The following PTBP3 variants were observed in gnomAD, a reference collection of about 807,000 sequenced individuals.
PTBP3 encodes the protein polypyrimidine tract-binding protein 3.
Under a neutral mutation model 58.7 loss-of-function variants are expected in PTBP3, and 20 were observed. The observed-to-expected ratio is 0.34, with a 90% CI of 0.24 to 0.50. The LOEUF (loss-of-function observed/expected upper bound fraction) is 0.50, where lower values mean the gene tolerates loss of function less well. PTBP3 is among the 20% of genes least tolerant of loss of function. The pLI, the probability that PTBP3 is intolerant of heterozygous loss-of-function variation, is 0.98. For missense variants in PTBP3, 509 were observed against 637.2 expected (o/e 0.80, Z 2.17); for synonymous variants, 185 against 219.8 (o/e 0.84, Z 1.40).
Position 112,310,358 on chromosome 9 carries a change from C to G in PTBP3, c.-51-12442G>C, listed in dbSNP as rs548851518. Among the ~76,000 whole-genome samples the G allele has an allele frequency of 3.6e-4, 55 of 152,142 alleles. 2 individuals are homozygous for G. The highest frequency in any genetic ancestry group is 2.1e-4 in the Non-Finnish European group (14 of 68,040). On this transcript the variant is annotated intron_variant, in intron 1 of 13. Transcript: ENST00000374257. Reference sequence around the variant, plus strand: ...AGCATATTGAATATTTTCTTTAATGCCTGCAAGTAATTCCTCTAAAAAGCC... The same window carrying G: ...AGCATATTGAATATTTTCTTTAATGGCTGCAAGTAATTCCTCTAAAAAGCC...
chr9:112,298,524 A>C, intron 1 of PTBP3: 1 of 508,130 alleles, frequency 2.0e-6, no homozygotes, highest in South Asian at 1.4e-5. Flanking sequence ...TTTTCATTGT[A>C]ATGTAAGATC....
At chr9:112,289,508 C>T (rs561301151) in intron 2 of PTBP3, among the ~76,000 whole-genome samples, 9 of 152,262 alleles carry the variant, frequency 5.9e-5, no homozygotes, top group Admixed American at 5.2e-4. Context: ...GGGCCAGGCG[C>T]CGTGGCTCAC....
chr9:112,310,293 G>A (rs1198221105), intron 1 of PTBP3, among the ~76,000 whole-genome samples: 1 of 152,130 alleles, frequency 6.6e-6, no homozygotes. Flanking sequence ...ATTTTATATG[G>A]ACATCTTAAC....
the PTBP3 span, among the ~76,000 whole-genome samples, chr9:112,377,504 A>C: frequency 2.0e-5 from 3 of 152,196 alleles, no homozygotes; most frequent in Admixed American, 2.0e-4. Context: ...CCCATTGTCA[A>C]GCTTAGTTGT....
In PTBP3 at chr9:112,220,739, A is replaced by C; in HGVS notation, c.*3112T>G. 1 of 983,994 alleles carries C rather than the reference A, an allele frequency of 1.0e-6. No individual in the cohort carries two copies. The highest frequency in any genetic ancestry group is 1.2e-6 in the Non-Finnish European group (1 of 828,448). The allele number at this position is 983,994 out of a possible 1,614,324, so 61.0% of individuals were successfully genotyped here. A position where few individuals can be genotyped will look rare whatever the true frequency, so the allele number is the denominator to read the frequency against. Reference sequence around the variant, plus strand: ...CATTTTACTGCTATGCAAATTATTCAAATCTCAAAGTAAATCATTTTGGTG... The same window carrying C: ...CATTTTACTGCTATGCAAATTATTCCAATCTCAAAGTAAATCATTTTGGTG... On this transcript the variant is annotated 3_prime_UTR_variant, in exon 14 of 14. Transcript: ENST00000374257.
At chr9:112,272,279 G>C (rs1564423301) in intron 3 of PTBP3, among the ~76,000 whole-genome samples, 1 of 151,822 alleles carries the variant, frequency 6.6e-6, no homozygotes, top group Non-Finnish European at 1.5e-5. Context: ...GCCCAGGCTG[G>C]GTCTTGAACT....
chr9:112,325,075 C>A (rs772226638), intron 1 of PTBP3, among the ~76,000 whole-genome samples: 19 of 152,196 alleles, frequency 1.2e-4, no homozygotes, highest in Non-Finnish European at 2.6e-4. Context: ...TAGCCCCAAA[C>A]TGAAAAGTGC....
chr9:112,246,068 C>T (rs1459059232), intron 7 of PTBP3, among the ~76,000 whole-genome samples: 3 of 151,790 alleles, frequency 2.0e-5, no homozygotes, highest in Admixed American at 6.6e-5. Flanking sequence ...CTGCAGCCTC[C>T]ACCTCCCAGG....
the PTBP3 span, among the ~76,000 whole-genome samples, chr9:112,372,749 C>G: frequency 3.3e-5 from 5 of 152,280 alleles, no homozygotes; most frequent in East Asian, 9.7e-4. Context: ...GTACTTCATT[C>G]CTTTTTATAG....
the PTBP3 span, among the ~76,000 whole-genome samples, chr9:112,348,932 A>C: frequency 6.6e-6 from 1 of 152,078 alleles, no homozygotes; most frequent in African/African-American, 2.4e-5. Context: ...GATTTCCCTT[A>C]TTTTCTTCCA....
At chr9:112,347,447 T>C in the PTBP3 span, among the ~76,000 whole-genome samples, 1 of 151,254 alleles carries the variant, frequency 6.6e-6, no homozygotes, top group Non-Finnish European at 1.5e-5. Flanking sequence ...GCTCAGATGA[T>C]CCTCCCACCT....
chr9:112,347,279 T>C, the PTBP3 span, among the ~76,000 whole-genome samples: 1 of 151,392 alleles, frequency 6.6e-6, no homozygotes, highest in Non-Finnish European at 1.5e-5. Flanking sequence ...TAAAATACCA[T>C]AGGCAATGAT....
At chr9:112,337,529 A>G (rs1830586120), upstream of PTBP3, among the ~76,000 whole-genome samples, 1 of 152,210 alleles carries the variant, frequency 6.6e-6, no homozygotes, top group South Asian at 2.1e-4. Context: ...GATATCACCT[A>G]CATGACCTGG....
At chr9:112,360,106 A>G in the PTBP3 span, among the ~76,000 whole-genome samples, 1 of 152,236 alleles carries the variant, frequency 6.6e-6, no homozygotes, top group Non-Finnish European at 1.5e-5. Flanking sequence ...TAATTCATGG[A>G]GCAAGAAAAG....
chr9:112,332,843 T>A (rs995547273), intron 1 of PTBP3: 3 of 1,612,394 alleles, frequency 1.9e-6, no homozygotes, highest in African/African-American at 2.7e-5. Context: ...GAAGCGTCCA[T>A]GGTCACTAAG....
chr9:112,227,052 A>C (rs1835017081), intron 12 of PTBP3, among the ~76,000 whole-genome samples: 1 of 152,204 alleles, frequency 6.6e-6, no homozygotes. Context: ...TTAGATACAC[A>C]ATTTGATTTT....
intron 1 of PTBP3, among the ~76,000 whole-genome samples, chr9:112,299,188 C>T (rs986697069): frequency 2.6e-5 from 4 of 152,132 alleles, no homozygotes; most frequent in African/African-American, 4.8e-5. Flanking sequence ...AAATGCATTA[C>T]TAACAGATAT....
chr9:112,246,625 G>A (rs1396746245), intron 7 of PTBP3, among the ~76,000 whole-genome samples: 1 of 150,440 alleles, frequency 6.6e-6, no homozygotes. Flanking sequence ...CCCGGGAGGC[G>A]GAGCTAGCAG....
the PTBP3 span, among the ~76,000 whole-genome samples, chr9:112,346,791 C>T: frequency 6.6e-6 from 1 of 151,820 alleles, no homozygotes; most frequent in Non-Finnish European, 1.5e-5. Context: ...AGCGCAGTGG[C>T]GCTTTCTCAA....
Sources: allele counts gnomAD v4.1 joint callset (sites outside exome capture counted in the v4.1 genomes callset), GRCh38; gene constraint gnomAD v4.1.1; transcripts MANE v1.5; gene names NCBI Gene and HGNC (gene_info 2026-07-23, HGNC 2026-07-21).